Variants in CCT4 observed in about 807,000 individuals in gnomAD.
CCT4 encodes T-complex protein 1 subunit delta.
A neutral mutation model predicts 62.5 loss-of-function variants in CCT4; 17 were observed. That is an observed-to-expected ratio of 0.27 (90% CI 0.19 to 0.41). The LOEUF is 0.41. Ranked by LOEUF, CCT4 falls within the 10% of genes least tolerant of loss-of-function variation. The pLI is 1.00. For synonymous variants in CCT4, 250 were observed against 229.9 expected, an observed-to-expected ratio of 1.09 and a Z score of -0.79; for missense variants, 592 against 659.2, an observed-to-expected ratio of 0.90 and a Z score of 1.12.
rs574761738 is a variant in CCT4, at chr2:61,873,564, ATTTATT to A, written c.918-277_918-272del. 5.8e-4 allele frequency among the ~76,000 whole-genome samples: 87 copies of A among 151,202 alleles called. 1 individual carries two copies. Among genetic ancestry groups the A allele is most frequent in the African/African-American group, 2.0e-3 (83 of 41,352 alleles). On this transcript the variant is annotated intron_variant, in intron 8 of 13. Coordinates refer to ENST00000394440, the MANE Select transcript of CCT4 (RefSeq NM_006430.4). ...GTCATTATTTTTTCCCCATTTATTT[ATTTATT>A]TTTATTTTTTTGAGATGGAATTTCG...
In CCT4 at chr2:61,888,632, T is replaced by C; in HGVS notation, c.-125A>G. The stretch of plus-strand genomic sequence containing the variant: ...AACCTTCCAGAAAGCGGCGCCGGCG[T>C]CGGGAGGAGGCGGAGGCGGAGAAGG... On this transcript the variant is annotated 5_prime_UTR_variant, in exon 1 of 14. Coordinates refer to ENST00000394440, the MANE Select transcript of CCT4 (RefSeq NM_006430.4). The C allele has an allele frequency of 2.5e-6, 3 of 1,200,530 alleles. No homozygotes were observed. The South Asian group carries it at 4.8e-5, about 19-fold the overall frequency. The allele number at this position is 1,200,530 out of a possible 1,614,324, so 74.4% of individuals were successfully genotyped here. A position where few individuals can be genotyped will look rare whatever the true frequency, so the allele number is the denominator to read the frequency against.
chr2:61,880,442 C>A, intron 3 of CCT4, 48 bp from the exon 4 acceptor site: 1 of 935,478 alleles, frequency 1.1e-6, no homozygotes. Context: ...ATGACAGAAC[C>A]CAGTAACACC....
chr2:61,868,556 T>G lies in CCT4; in HGVS notation c.*136A>C. On this transcript the variant is annotated 3_prime_UTR_variant, in exon 14 of 14. Transcript: ENST00000394440. Reference sequence around the variant, plus strand: ...TTCATTAAATTGTTTCAATACAACTTCAGGCAAATGCCAACTGGAAGACCA... The same window carrying G: ...TTCATTAAATTGTTTCAATACAACTGCAGGCAAATGCCAACTGGAAGACCA... 2 of 637,630 alleles carry G rather than the reference T, an allele frequency of 3.1e-6. No individual in the cohort carries two copies. The highest frequency in any genetic ancestry group is 5.6e-6 in the Non-Finnish European group (2 of 354,850). The allele number at this position is 637,630 out of a possible 1,614,324, so 39.5% of individuals were successfully genotyped here.
Position 61,888,359 on chromosome 2 carries a change from G to C in CCT4, c.127+22C>G, listed in dbSNP as rs373701220. 5 of 1,606,474 alleles carry C rather than the reference G, an allele frequency of 3.1e-6. No homozygotes were observed. The Admixed American group carries it at 6.8e-5, about 22-fold the overall frequency. On this transcript the variant is annotated intron_variant, in intron 1 of 13. Coordinates refer to ENST00000394440, the MANE Select transcript of CCT4 (RefSeq NM_006430.4). ...CAGAGCACAACCCCGCGGCGCCGCG[G>C]GTCAGGCCATGAGAGTGATACCTTT...
intron 8 of CCT4, among the ~76,000 whole-genome samples, chr2:61,875,266 C>G (rs908632992): frequency 4.0e-5 from 6 of 151,250 alleles, no homozygotes; most frequent in Non-Finnish European, 8.8e-5. Context: ...GTTTACCCAA[C>G]TCAAATGTTT....
intron 12 of CCT4, among the ~76,000 whole-genome samples, chr2:61,870,060 G>A (rs1022420196): frequency 1.4e-4 from 21 of 150,442 alleles, no homozygotes; most frequent in African/African-American, 5.1e-4. Flanking sequence ...GGCAGATCAC[G>A]AGGTCAGGAG....
intron 3 of CCT4, among the ~76,000 whole-genome samples, 200 bp downstream of exon 3, chr2:61,883,259 G>C (rs1669156460): frequency 6.6e-6 from 1 of 151,784 alleles, no homozygotes; most frequent in East Asian, 1.9e-4. Flanking sequence ...CGTCTCTACT[G>C]AAAATACAAA....
intron 10 of CCT4, among the ~76,000 whole-genome samples, 181 bp from the exon 11 acceptor site, chr2:61,872,769 T>C (rs1342209371): frequency 6.6e-6 from 1 of 151,930 alleles, no homozygotes; most frequent in African/African-American, 2.4e-5. Flanking sequence ...CTACTAAAAA[T>C]ACAAAAAATT....
chr2:61,873,631 T>A lies in CCT4; in HGVS notation c.918-338A>T, dbSNP rs527479352. Among the ~76,000 whole-genome samples the A allele has an allele frequency of 3.3e-5, 5 of 152,278 alleles. No homozygotes were observed. In the South Asian group the frequency reaches 1.0e-3, roughly 32 times the overall value. ...CCAGGCTTGGAGTGCAATGGCACGA[T>A]CTTGGCTCACTGCAACCTCAACCTC... is the stretch of plus-strand genomic sequence containing the variant. On this transcript the variant is annotated intron_variant, in intron 8 of 13. Coordinates refer to ENST00000394440, the MANE Select transcript of CCT4 (RefSeq NM_006430.4).
intron 3 of CCT4, among the ~76,000 whole-genome samples, chr2:61,882,281 C>T (rs897558009): frequency 6.6e-6 from 1 of 152,158 alleles, no homozygotes; most frequent in Non-Finnish European, 1.5e-5. Context: ...TATGACTTGA[C>T]ACCAGGTTTA....
At position 61,869,564 on chromosome 2, in the gene CCT4, A is replaced by C. The variant is rs1668841696; in HGVS notation, c.1492-11T>G. ...GTTGGAAATACCACCCTGCAAATCA[A>C]ATCAGCACAAGTTGCTTTTAGTGTC... is the stretch of plus-strand genomic sequence containing the variant. On this transcript the variant is annotated splice_polypyrimidine_tract_variant and intron_variant, in intron 12 of 13. Coordinates refer to ENST00000394440, the MANE Select transcript of CCT4 (RefSeq NM_006430.4). 4.7e-6 allele frequency: 7 copies of C among 1,488,236 alleles called. No homozygotes were observed. The highest frequency in any genetic ancestry group is 1.4e-5 in the African/African-American group (1 of 72,474). The allele number at this position is 1,488,236 out of a possible 1,614,324, so 92.2% of individuals were successfully genotyped here. A position where few individuals can be genotyped will look rare whatever the true frequency, so the allele number is the denominator to read the frequency against.
chr2:61,876,917 T>C lies in CCT4; in HGVS notation c.777+3A>G. On this transcript the variant is annotated splice_donor_region_variant and intron_variant, in intron 7 of 13. Coordinates refer to ENST00000394440, the MANE Select transcript of CCT4 (RefSeq NM_006430.4). ...GAACCAATTTCATTTGGATTCTACT[T>C]ACGTCTGTTTTGGGAGCAGATAAGC... 1.9e-6 allele frequency: 3 copies of C among 1,605,086 alleles called. No individual in the cohort carries two copies. The highest frequency in any genetic ancestry group is 2.5e-6 in the Non-Finnish European group (3 of 1,177,244).
At chr2:61,886,221 G>C (rs897106621) in intron 1 of CCT4, 1 of 152,242 alleles carries the variant, frequency 6.6e-6, no homozygotes, top group Non-Finnish European at 1.5e-5. Context: ...GACCAGCCTG[G>C]ACAACATGGC....
intron 3 of CCT4, among the ~76,000 whole-genome samples, chr2:61,880,755 G>A (rs576183427): frequency 6.6e-6 from 1 of 152,198 alleles, no homozygotes; most frequent in East Asian, 1.9e-4. Context: ...ACCCAGACTG[G>A]AGTATAGCAG....
At chr2:61,884,478 T>G (rs1054383373) in intron 2 of CCT4, among the ~76,000 whole-genome samples, 2 of 147,036 alleles carry the variant, frequency 1.4e-5, no homozygotes, top group African/African-American at 5.0e-5. Flanking sequence ...GCCTGGCTAA[T>G]TTTTGTATTT....
chr2:61,888,479 C>G lies in CCT4; in HGVS notation c.29G>C (p.Gly10Ala). MPENVAPRS[G>A]ATAGAAGGRG... ...GCCGCCGGCAGCCCCGGCAGTCGCC[C>G]CGCTCCGGGGTGCCACATTCTCGGG... Residue 10 changes from glycine to alanine, a missense_variant, in exon 1 of 14, where the codon GGG becomes GCG. Coordinates refer to ENST00000394440, the MANE Select transcript of CCT4 (RefSeq NM_006430.4). The G allele has an allele frequency of 6.2e-7, 1 of 1,612,004 alleles. No homozygotes were observed. Among genetic ancestry groups the G allele is most frequent in the African/African-American group, 1.3e-5 (1 of 75,002 alleles).
At chr2:61,886,011 C>A (rs2105143040) in intron 1 of CCT4, 1 of 152,292 alleles carries the variant, frequency 6.6e-6, no homozygotes, top group Middle Eastern at 3.4e-3. Context: ...TCTCTGAGAG[C>A]AAAGACTTTT....
rs33947847 is a variant in CCT4 at position 61,869,143 on chromosome 2, G to GA, written c.1605+296dup. Among the ~76,000 whole-genome samples, 54 of 70,708 alleles carry GA rather than the reference G, an allele frequency of 7.6e-4. 1 individual carries two copies. The highest frequency in any genetic ancestry group is 2.8e-3 in the African/African-American group (50 of 17,634). 46.4% of individuals were successfully genotyped at this position (70,708 alleles called of 152,430 possible). On this transcript the variant is annotated intron_variant, in intron 13 of 13. Transcript: ENST00000394440. The stretch of plus-strand genomic sequence containing the variant: ...GGCAACAGAGCAAGACTTCGTCTCA[G>GA]AAAAAAAAAAAAAAAAAAAAAAGTA...
At chr2:61,886,903 G>A (rs535491490) in intron 1 of CCT4, among the ~76,000 whole-genome samples, 1 of 152,134 alleles carries the variant, frequency 6.6e-6, no homozygotes, top group Admixed American at 6.5e-5. Context: ...GGGACTACAG[G>A]CCTACGCCAA....
Sources: allele counts gnomAD v4.1 joint callset (sites outside exome capture counted in the v4.1 genomes callset), GRCh38; gene constraint gnomAD v4.1.1; transcripts MANE v1.5; gene names NCBI Gene and HGNC (gene_info 2026-07-23, HGNC 2026-07-21).